PLEKHA7: variants seen among roughly 807,000 people sequenced by gnomAD.
The protein encoded by PLEKHA7 is pleckstrin homology domain-containing family A member 7.
In PLEKHA7, 104 loss-of-function variants were observed where a neutral mutation model predicts 170.0. The observed-to-expected ratio is 0.61, with a 90% CI of 0.52 to 0.72. The LOEUF (loss-of-function observed/expected upper bound fraction) is 0.72. Among genes scored for constraint, PLEKHA7 ranks in the 30% least tolerant of loss-of-function variants. The probability of loss-of-function intolerance (pLI) is 0.00; values close to 1 mark genes in which losing one functional copy is unlikely to be tolerated. For synonymous variants in PLEKHA7, 648 were observed against 660.8 expected, an observed-to-expected ratio of 0.98 and a Z score of 0.30; for missense variants, 1,615 against 1,671.7, an observed-to-expected ratio of 0.97 and a Z score of 0.59.
intron 3 of PLEKHA7, among the ~76,000 whole-genome samples, chr11:16,982,004 C>A (rs1271026264): frequency 6.6e-6 from 1 of 152,156 alleles, no homozygotes; most frequent in Non-Finnish European, 1.5e-5. Flanking sequence ...ATGCAAGACA[C>A]CAGGAAGGAC....
chr11:16,852,224 C>G, intron 7 of PLEKHA7, 59 bp downstream of exon 7: 1 of 1,481,932 alleles, frequency 6.7e-7, no homozygotes. Flanking sequence ...AAGTCACCAA[C>G]CATCCACATA....
chr11:16,928,517 T>A (rs1022561882), intron 3 of PLEKHA7, among the ~76,000 whole-genome samples: 1 of 151,326 alleles, frequency 6.6e-6, no homozygotes, highest in Non-Finnish European at 1.5e-5. Context: ...AGTGGTACAA[T>A]CACAGCTCAC....
In PLEKHA7 at chr11:16,948,308, G is replaced by A. The variant is rs114759901; in HGVS notation, c.221+65681C>T. On this transcript the variant is annotated intron_variant, in intron 3 of 26. Transcript: ENST00000531066. ...ATATATCGTATACTCAAAAATTGCT[G>A]ATAGATTTTAAGTGTTTGTACCACA... 4.2e-3 allele frequency among the ~76,000 whole-genome samples: 637 copies of A among 152,248 alleles called. 3 individuals are homozygous for A. Among genetic ancestry groups the A allele is most frequent in the African/African-American group, 0.014 (598 of 41,528 alleles).
intron 3 of PLEKHA7, among the ~76,000 whole-genome samples, chr11:16,906,993 G>C (rs1178057683): frequency 1.3e-5 from 2 of 149,642 alleles, no homozygotes; most frequent in East Asian, 4.0e-4. Flanking sequence ...GAGAAGTGAG[G>C]AGACCCTCTG....
intron 3 of PLEKHA7, among the ~76,000 whole-genome samples, chr11:16,918,048 C>T (rs1858821164): frequency 6.6e-6 from 1 of 152,164 alleles, no homozygotes; most frequent in Non-Finnish European, 1.5e-5. Context: ...CTCCACAGCT[C>T]CACTCTAGGT....
chr11:16,830,793 C>T (rs552487119), intron 9 of PLEKHA7, among the ~76,000 whole-genome samples: 9 of 152,296 alleles, frequency 5.9e-5, no homozygotes, highest in African/African-American at 1.9e-4. Flanking sequence ...GTCAGACAAC[C>T]CTGGAGCCCA....
chr11:16,838,014 T>C (rs560361361), intron 9 of PLEKHA7, among the ~76,000 whole-genome samples: 2 of 152,246 alleles, frequency 1.3e-5, no homozygotes, highest in South Asian at 4.2e-4. Context: ...TATCAGAAAC[T>C]GGCAAACAGC....
In PLEKHA7 at chr11:16,822,306, C is replaced by T. The variant is rs563888566; in HGVS notation, c.1343+3814G>A. Among the ~76,000 whole-genome samples the T allele has an allele frequency of 7.2e-5, 11 of 152,168 alleles. No homozygotes were observed. The South Asian group carries it at 1.0e-3, about 14-fold the overall frequency. ...GATTTCAACCCCTCCTTTTACTCTG[C>T]GTCCTGAGCTAACTTTGACCCTGTA... On this transcript the variant is annotated intron_variant, in intron 10 of 26. Coordinates refer to ENST00000531066, the MANE Select transcript of PLEKHA7 (RefSeq NM_001329630.2).
chr11:16,927,447 C>T (rs1367847478), intron 3 of PLEKHA7, among the ~76,000 whole-genome samples: 7 of 152,092 alleles, frequency 4.6e-5, no homozygotes, highest in Non-Finnish European at 1.0e-4. Context: ...CAAAGCCCAC[C>T]CTTCTGTTAT....
At chr11:16,878,072 C>T (rs1478019140) in intron 3 of PLEKHA7, among the ~76,000 whole-genome samples, 2 of 152,212 alleles carry the variant, frequency 1.3e-5, no homozygotes, top group African/African-American at 4.8e-5. Flanking sequence ...TCCCTATTTC[C>T]ATTAACATCA....
intron 3 of PLEKHA7, 46 bp downstream of exon 3, chr11:17,013,943 C>A (rs771472963): frequency 2.1e-6 from 3 of 1,451,168 alleles, no homozygotes; most frequent in Admixed American, 4.8e-5. Flanking sequence ...GGGAGGGACC[C>A]CCCCCCCGCG....
At chr11:16,786,745 A>G in intron 23 of PLEKHA7, 1 of 985,434 alleles carries the variant, frequency 1.0e-6, no homozygotes, top group Non-Finnish European at 1.2e-6. Context: ...TCCACTCTCT[A>G]CAGCTGGTTC....
intron 4 of PLEKHA7, among the ~76,000 whole-genome samples, chr11:16,865,986 C>T (rs57159860): frequency 2.6e-5 from 4 of 151,362 alleles, no homozygotes; most frequent in African/African-American, 4.8e-5. Context: ...TACAGGTGTG[C>T]GCCACCACAC....
intron 3 of PLEKHA7, among the ~76,000 whole-genome samples, chr11:16,928,718 G>A (rs939321193): frequency 2.6e-5 from 4 of 151,998 alleles, no homozygotes; most frequent in African/African-American, 9.7e-5. Context: ...CCCTCTCAAA[G>A]TGCTGGGATT....
chr11:16,832,337 G>A lies in PLEKHA7; in HGVS notation c.873-5747C>T, dbSNP rs1022862685. ...GTTACAAGGGGCTACTCTTATCATT[G>A]ACTGGGGTTGGGCCCCAGCATTTCT... On this transcript the variant is annotated intron_variant, in intron 9 of 26. Coordinates refer to ENST00000531066, the MANE Select transcript of PLEKHA7 (RefSeq NM_001329630.2). Among the ~76,000 whole-genome samples, 18 of 151,960 alleles carry A rather than the reference G, an allele frequency of 1.2e-4. 1 individual carries two copies. Among genetic ancestry groups the A allele is most frequent in the Non-Finnish European group, 1.5e-4 (10 of 67,978 alleles).
intron 3 of PLEKHA7, among the ~76,000 whole-genome samples, chr11:16,965,132 A>T (rs764142844): frequency 1.1e-4 from 16 of 151,690 alleles, no homozygotes; most frequent in Non-Finnish European, 2.2e-4. Flanking sequence ...AACATGGCGA[A>T]ACCCCGTCTC....
chr11:16,883,553 T>G lies in PLEKHA7; in HGVS notation c.222-12371A>C, dbSNP rs1380371011. 2.0e-5 allele frequency among the ~76,000 whole-genome samples: 3 copies of G among 152,220 alleles called. No homozygotes were observed. In the East Asian group the frequency reaches 5.8e-4, roughly 29 times the overall value. The stretch of plus-strand genomic sequence containing the variant: ...CTGATACTCTTGGCTTCTGTCAACT[T>G]TAACTGCCCACCAGTCCCCAAGTCA... On this transcript the variant is annotated intron_variant, in intron 3 of 26. Coordinates refer to ENST00000531066, the MANE Select transcript of PLEKHA7 (RefSeq NM_001329630.2).
At chr11:16,986,867 G>C (rs1281875077) in intron 3 of PLEKHA7, among the ~76,000 whole-genome samples, 3 of 152,210 alleles carry the variant, frequency 2.0e-5, no homozygotes, top group African/African-American at 7.2e-5. Context: ...GTACCAGGAA[G>C]GGAGGCAGGA....
intron 24 of PLEKHA7, among the ~76,000 whole-genome samples, chr11:16,785,910 T>C (rs1444043276): frequency 6.6e-6 from 1 of 152,200 alleles, no homozygotes; most frequent in Non-Finnish European, 1.5e-5. Flanking sequence ...GTGCCTACTA[T>C]GTGGCTTTGA....
Sources: gnomAD v4.1 joint callset for allele counts (sites outside exome capture counted in the v4.1 genomes callset) on GRCh38, gnomAD v4.1.1 for gene constraint, MANE v1.5 for transcripts, NCBI Gene and HGNC (gene_info 2026-07-23, HGNC 2026-07-21) for gene names.